Variants in CDYL observed in about 807,000 individuals in gnomAD.
The protein encoded by CDYL is chromodomain Y like.
A neutral mutation model predicts 47.3 loss-of-function variants in CDYL; 8 were observed. The observed-to-expected ratio is 0.17, with a 90% CI of 0.10 to 0.31. The LOEUF (loss-of-function observed/expected upper bound fraction) is 0.31, where lower values mean the gene tolerates loss of function less well. Among genes scored for constraint, CDYL ranks in the 10% least tolerant of loss-of-function variants. The probability of loss-of-function intolerance (pLI) is 1.00; values close to 1 mark genes in which losing one functional copy is unlikely to be tolerated. For synonymous variants in CDYL, 266 were observed against 265.0 expected (o/e 1.00, Z -0.04); for missense variants, 471 against 701.4 (o/e 0.67, Z 3.71).
chr6:4,857,503 A>G (rs939536672), intron 1 of CDYL, among the ~76,000 whole-genome samples: 8 of 152,172 alleles, frequency 5.3e-5, no homozygotes, highest in Non-Finnish European at 1.0e-4. Context: ...TTTTTCTGGT[A>G]ACTCACCCTT....
At chr6:4,853,634 G>A (rs1156854325) in intron 1 of CDYL, among the ~76,000 whole-genome samples, 1 of 152,194 alleles carries the variant, frequency 6.6e-6, no homozygotes, top group Non-Finnish European at 1.5e-5. Flanking sequence ...ACTGCATCGA[G>A]TCCCTGTCTC....
At chr6:4,783,829 A>G (rs192897676) in intron 1 of CDYL, among the ~76,000 whole-genome samples, 74 of 152,146 alleles carry the variant, frequency 4.9e-4, no homozygotes, top group African/African-American at 1.6e-3. Flanking sequence ...TAATACGACA[A>G]TGTATTTTGT....
At chr6:4,944,828 C>T (rs183483184) in intron 5 of CDYL, among the ~76,000 whole-genome samples, 1 of 152,286 alleles carries the variant, frequency 6.6e-6, no homozygotes, top group East Asian at 1.9e-4. Flanking sequence ...AGTAAAGAAA[C>T]CTGGCAGCTA....
At chr6:4,918,295 C>T (rs1757612290) in intron 2 of CDYL, among the ~76,000 whole-genome samples, 1 of 152,036 alleles carries the variant, frequency 6.6e-6, no homozygotes, top group South Asian at 2.1e-4. Context: ...TTTCATTTGT[C>T]CTTTTTAATT....
intron 1 of CDYL, among the ~76,000 whole-genome samples, chr6:4,805,215 C>G (rs947284932): frequency 6.6e-6 from 1 of 152,160 alleles, no homozygotes; most frequent in African/African-American, 2.4e-5. Context: ...CTTTTAGAAA[C>G]TTTTAGAACC....
intron 1 of CDYL, among the ~76,000 whole-genome samples, chr6:4,713,357 C>T (rs1443910673): frequency 1.3e-5 from 2 of 151,976 alleles, no homozygotes; most frequent in Non-Finnish European, 2.9e-5. Context: ...TAGAAAGGTC[C>T]CCAAGACGCA....
At position 4,877,380 on chromosome 6, in the gene CDYL, C is replaced by T. The variant is rs571615092; in HGVS notation, c.25-14333C>T. ...AATTTTCTTTCTTTCCTGGTTATTG[C>T]TTTTTTGTGACCTGAGGAACTTTTG... On this transcript the variant is annotated intron_variant, in intron 1 of 6. Transcript: ENST00000397588. 5.3e-5 allele frequency among the ~76,000 whole-genome samples: 8 copies of T among 151,932 alleles called. No individual in the cohort carries two copies. In the South Asian group the frequency reaches 1.7e-3, roughly 32 times the overall value.
At chr6:4,946,750 T>C (rs1758532796) in intron 5 of CDYL, among the ~76,000 whole-genome samples, 1 of 152,070 alleles carries the variant, frequency 6.6e-6, no homozygotes, top group Non-Finnish European at 1.5e-5. Context: ...GTCGGGCGCT[T>C]TGCCTCTCCC....
At chr6:4,708,595 G>T (rs559058161) in intron 1 of CDYL, among the ~76,000 whole-genome samples, 1 of 152,144 alleles carries the variant, frequency 6.6e-6, no homozygotes, top group East Asian at 1.9e-4. Context: ...TGTTTATGAT[G>T]ATTATTTTGA....
intron 3 of CDYL, among the ~76,000 whole-genome samples, chr6:4,742,761 C>G (rs1757819714): frequency 1.3e-5 from 2 of 152,208 alleles, no homozygotes; most frequent in Admixed American, 6.5e-5. Flanking sequence ...TCTGGCTTTG[C>G]CCTCTCAGGG....
At position 4,941,704 on chromosome 6, in the gene CDYL, G is replaced by T. The variant is rs989741241; in HGVS notation, c.1122-1842G>T. Among the ~76,000 whole-genome samples, 3 of 152,134 alleles carry T rather than the reference G, an allele frequency of 2.0e-5. No individual in the cohort carries two copies. In the South Asian group the frequency reaches 6.2e-4, roughly 32 times the overall value. ...CAGATTTTTTTATACAAATATATGG[G>T]CATGGAGGCAAGGATATATGAAATA... On this transcript the variant is annotated intron_variant, in intron 4 of 6. Coordinates refer to ENST00000397588, the MANE Select transcript of CDYL (RefSeq NM_004824.4).
intron 1 of CDYL, among the ~76,000 whole-genome samples, chr6:4,876,329 T>C (rs919552681): frequency 1.3e-5 from 2 of 152,198 alleles, no homozygotes; most frequent in Non-Finnish European, 2.9e-5. Flanking sequence ...TCTGCTGACA[T>C]GTGTTTTCAT....
chr6:4,900,491 A>C (rs1756994927), intron 2 of CDYL, among the ~76,000 whole-genome samples: 1 of 151,866 alleles, frequency 6.6e-6, no homozygotes, highest in South Asian at 2.1e-4. Context: ...TCGAGGATAC[A>C]TTTTACACTA....
chr6:4,949,334 T>C (rs1758626908), intron 5 of CDYL, among the ~76,000 whole-genome samples: 1 of 152,200 alleles, frequency 6.6e-6, no homozygotes, highest in Admixed American at 6.5e-5. Context: ...AGCCCTCTCT[T>C]GGGGACTTCA....
At chr6:4,741,703 G>A (rs1330026408) in intron 3 of CDYL, among the ~76,000 whole-genome samples, 1 of 152,224 alleles carries the variant, frequency 6.6e-6, no homozygotes, top group African/African-American at 2.4e-5. Flanking sequence ...GGTCAAGGAA[G>A]CAGGGAAATA....
At chr6:4,822,243 C>T (rs914834842) in intron 1 of CDYL, among the ~76,000 whole-genome samples, 1 of 152,042 alleles carries the variant, frequency 6.6e-6, no homozygotes, top group Non-Finnish European at 1.5e-5. Flanking sequence ...AGGTGATTCA[C>T]CCACCTCAGC....
intron 1 of CDYL, among the ~76,000 whole-genome samples, chr6:4,819,127 T>TCTCTCTCTC (rs2127447597): frequency 1.6e-5 from 2 of 125,538 alleles, no homozygotes. Context: ...TCTCTCTCTC[T>TCTCTCTCTC]CTCTCTCTCT....
At chr6:4,876,254 G>A (rs1159354257) in intron 1 of CDYL, among the ~76,000 whole-genome samples, 1 of 152,080 alleles carries the variant, frequency 6.6e-6, no homozygotes, top group Non-Finnish European at 1.5e-5. Flanking sequence ...TGTTGAAAAC[G>A]TGTGCTGTTT....
chr6:4,928,551 A>G (rs1757945950), intron 2 of CDYL: 2 of 152,306 alleles, frequency 1.3e-5, no homozygotes, highest in East Asian at 3.9e-4. Context: ...TTGTGCTTCC[A>G]TGAGTAATGG....
Sources: allele counts gnomAD v4.1 joint callset (sites outside exome capture counted in the v4.1 genomes callset), GRCh38; gene constraint gnomAD v4.1.1; transcripts MANE v1.5; gene names NCBI Gene and HGNC (gene_info 2026-07-23, HGNC 2026-07-21).